Variants in TEC observed in about 807,000 individuals in gnomAD.
TEC encodes the protein tec protein tyrosine kinase.
TEC carries 72 observed loss-of-function variants against 93.0 expected under a neutral mutation model. That is an observed-to-expected ratio of 0.77 (90% CI 0.64 to 0.94). The LOEUF is 0.94. Ranked by LOEUF, TEC falls within the 40% of genes least tolerant of loss-of-function variation. The pLI is 0.00. For missense variants in TEC, 630 were observed against 757.9 expected, an observed-to-expected ratio of 0.83 and a Z score of 1.98; for synonymous variants, 249 against 247.7, an observed-to-expected ratio of 1.01 and a Z score of -0.05.
intron 2 of TEC, among the ~76,000 whole-genome samples, chr4:48,212,024 C>T (rs561666719): frequency 5.4e-5 from 8 of 148,460 alleles, no homozygotes; most frequent in African/African-American, 1.5e-4. Context: ...ACTTGAACCC[C>T]GGAGGCGGAG....
At chr4:48,154,799 G>T (rs1032764998) in intron 9 of TEC, among the ~76,000 whole-genome samples, 2 of 152,070 alleles carry the variant, frequency 1.3e-5, no homozygotes, top group South Asian at 4.1e-4. Flanking sequence ...TAAAACAAGG[G>T]TCTTAATACA....
At chr4:48,212,080 CAG>C (rs1179696821) in intron 2 of TEC, among the ~76,000 whole-genome samples, 1 of 112,696 alleles carries the variant, frequency 8.9e-6, no homozygotes, top group Non-Finnish European at 1.7e-5. Flanking sequence ...GCTTGGGTGA[CAG>C]AGTGAGACTC....
At chr4:48,230,229 C>A (rs186837277) in intron 1 of TEC, among the ~76,000 whole-genome samples, 85 of 152,240 alleles carry the variant, frequency 5.6e-4, no homozygotes, top group African/African-American at 1.9e-3. Flanking sequence ...CATCTTCACA[C>A]CCAATCCAAC....
chr4:48,190,059 A>G (rs1722037536), intron 2 of TEC, among the ~76,000 whole-genome samples: 2 of 152,188 alleles, frequency 1.3e-5, no homozygotes, highest in Admixed American at 1.3e-4. Flanking sequence ...TACCACCACA[A>G]ACATTAATAT....
At chr4:48,245,829 G>A (rs1430971324) in intron 1 of TEC, among the ~76,000 whole-genome samples, 1 of 152,022 alleles carries the variant, frequency 6.6e-6, no homozygotes. Flanking sequence ...ATTTACTTTG[G>A]GCCAAGCACC....
At chr4:48,252,511 T>C (rs917290645) in intron 1 of TEC, among the ~76,000 whole-genome samples, 1 of 152,226 alleles carries the variant, frequency 6.6e-6, no homozygotes, top group Non-Finnish European at 1.5e-5. Flanking sequence ...ACTAACTAGC[T>C]GGGTGATCTT....
At chr4:48,263,661 C>T (rs1432275982) in intron 1 of TEC, among the ~76,000 whole-genome samples, 3 of 152,128 alleles carry the variant, frequency 2.0e-5, no homozygotes, top group African/African-American at 4.8e-5. Context: ...CATGCCACTG[C>T]ACTCCAGTCT....
At chr4:48,265,299 A>G (rs1724603574) in intron 1 of TEC, among the ~76,000 whole-genome samples, 1 of 151,490 alleles carries the variant, frequency 6.6e-6, no homozygotes, top group East Asian at 1.9e-4. Flanking sequence ...GCCCAGTCAA[A>G]AATAGCCAAT....
chr4:48,152,116 G>GT (rs1720195333), intron 9 of TEC, among the ~76,000 whole-genome samples: 1 of 152,154 alleles, frequency 6.6e-6, no homozygotes, highest in Admixed American at 6.5e-5. Context: ...GATAATAATT[G>GT]TAACTGGTCA....
intron 2 of TEC, among the ~76,000 whole-genome samples, chr4:48,210,533 G>GGAGGAA (rs1449377229): frequency 6.6e-6 from 1 of 151,690 alleles, no homozygotes; most frequent in Non-Finnish European, 1.5e-5. Flanking sequence ...AGGAGGAGGA[G>GGAGGAA]GAGGAAGAGG....
intron 1 of TEC, among the ~76,000 whole-genome samples, chr4:48,231,987 G>A (rs1553894434): frequency 6.6e-6 from 1 of 151,708 alleles, no homozygotes; most frequent in Non-Finnish European, 1.5e-5. Context: ...ATGTCCTGGG[G>A]AAAAAAAATC....
intron 8 of TEC, among the ~76,000 whole-genome samples, chr4:48,160,737 A>G (rs199954685): frequency 1.5e-5 from 2 of 131,350 alleles, no homozygotes; most frequent in African/African-American, 2.8e-5. Context: ...CAGAAAAAAA[A>G]AAAGAAAGAA....
chr4:48,233,177 C>G (rs780147400), intron 1 of TEC, among the ~76,000 whole-genome samples: 4 of 152,096 alleles, frequency 2.6e-5, no homozygotes, highest in African/African-American at 4.8e-5. Flanking sequence ...CTAGTCAGCT[C>G]TCTTCTCCCA....
Position 48,137,284 on chromosome 4 carries a change from A to G in TEC, c.*132T>C. 1.5e-6 allele frequency: 1 copy of G among 668,766 alleles called. No homozygotes were observed. The highest frequency in any genetic ancestry group is 2.5e-6 in the Non-Finnish European group (1 of 394,816). 41.4% of individuals were successfully genotyped at this position (668,766 alleles called of 1,614,324 possible). A position where few individuals can be genotyped will look rare whatever the true frequency, so the allele number is the denominator to read the frequency against. On this transcript the variant is annotated 3_prime_UTR_variant, in exon 18 of 18. Transcript: ENST00000381501. ...AAGTCTAGACAGAGGCTGGTCTAGA[A>G]GCAAATTATTTATGTGTTTCCACTG...
chr4:48,174,843 T>C (rs1721260589), intron 3 of TEC, among the ~76,000 whole-genome samples: 1 of 152,216 alleles, frequency 6.6e-6, no homozygotes, highest in Non-Finnish European at 1.5e-5. Context: ...ATAGTAATAA[T>C]AGCAACTACC....
chr4:48,209,859 ATTGTAAACATGC>A (rs909557163), intron 2 of TEC, among the ~76,000 whole-genome samples: 6 of 152,172 alleles, frequency 3.9e-5, no homozygotes, highest in Non-Finnish European at 8.8e-5. Flanking sequence ...ACATAAACCA[ATTGTAAACATGC>A]TTGTTTATTA....
At chr4:48,156,780 A>G (rs369388983) in intron 8 of TEC, 46 bp from the exon 9 acceptor site, 8 of 1,494,870 alleles carry the variant, frequency 5.4e-6, no homozygotes, top group African/African-American at 1.4e-5. Flanking sequence ...TTTTTAGGAT[A>G]TATTTTATTC....
chr4:48,164,254 GT>G (rs1720789968), intron 7 of TEC, among the ~76,000 whole-genome samples: 1 of 152,200 alleles, frequency 6.6e-6, no homozygotes, highest in Non-Finnish European at 1.5e-5. Flanking sequence ...TTATAGAATA[GT>G]TTCACAAAGG....
intron 2 of TEC, among the ~76,000 whole-genome samples, chr4:48,222,895 C>G (rs535387269): frequency 2.6e-5 from 4 of 152,186 alleles, no homozygotes; most frequent in East Asian, 3.9e-4. Flanking sequence ...CTTTTATGTA[C>G]ATACATACAC....
Sources: gnomAD v4.1 joint callset for allele counts (sites outside exome capture counted in the v4.1 genomes callset) on GRCh38, gnomAD v4.1.1 for gene constraint, MANE v1.5 for transcripts, NCBI Gene and HGNC (gene_info 2026-07-23, HGNC 2026-07-21) for gene names.